The following DIPK2A variants were observed in gnomAD, a reference collection of about 807,000 sequenced individuals.
DIPK2A encodes the protein Golgi Protein of 49 kDa.
A neutral mutation model predicts 39.0 loss-of-function variants in DIPK2A; 27 were observed. The ratio of observed to expected loss-of-function variants is 0.69; its 90% CI spans 0.51 to 0.96. The LOEUF (loss-of-function observed/expected upper bound fraction) is 0.96, where lower values mean the gene tolerates loss of function less well. DIPK2A is among the 40% of genes least tolerant of loss of function. DIPK2A has a pLI of 0.00. For missense variants in DIPK2A, 528 were observed against 571.3 expected (o/e 0.92, Z 0.77); for synonymous variants, 298 against 240.8 (o/e 1.24, Z -2.20).
rs914576209 is a variant in DIPK2A at position 143,989,833 on chromosome 3, G to T, written c.1285G>T (p.Val429Leu). The change falls in exon 3 of 3, where the codon GTG (valine) becomes TTG (leucine). Residue 429 changes from valine to leucine, a missense_variant. By Grantham distance (32) the Val-to-Leu change is conservative. Around this residue, in one of 2 missense-constraint regions of DIPK2A, gnomAD observed 219 missense variants for 281.5 expected, o/e 0.78. Transcript: ENST00000315691. ...ATACCTAGCACAATTAAGTAACAAC[G>T]TGAGGTAGTCTATGGTGAACTTTTC... ...REYLAQLSNN[V>L]R 4.3e-6 allele frequency: 7 copies of T among 1,610,946 alleles called. No homozygotes were observed. Among genetic ancestry groups the T allele is most frequent in the African/African-American group, 1.3e-5 (1 of 74,902 alleles).
chr3:143,976,363 G>GAA (rs376616926), intron 1 of DIPK2A, among the ~76,000 whole-genome samples: 6 of 148,006 alleles, frequency 4.1e-5, no homozygotes, highest in Non-Finnish European at 9.0e-5. Flanking sequence ...GTAATCCTAT[G>GAA]AAAAAAAAAA....
intron 2 of DIPK2A, among the ~76,000 whole-genome samples, chr3:143,986,638 G>A (rs1397690124): frequency 6.6e-6 from 1 of 151,370 alleles, no homozygotes; most frequent in Non-Finnish European, 1.5e-5. Context: ...GCAGGAGAAT[G>A]GCGTGAACCC....
chr3:143,977,313 A>C (rs2087744796), intron 1 of DIPK2A, among the ~76,000 whole-genome samples: 1 of 151,946 alleles, frequency 6.6e-6, no homozygotes, highest in African/African-American at 2.4e-5. Flanking sequence ...ACTCTTGAGA[A>C]ATTTGGTTTT....
In DIPK2A at chr3:143,972,845, C is replaced by G. The variant is rs774275449; in HGVS notation, c.513C>G (p.Pro171=). The G allele has an allele frequency of 2.6e-6, 4 of 1,567,268 alleles. No individual in the cohort carries two copies. Among genetic ancestry groups the G allele is most frequent in the Non-Finnish European group, 8.6e-7 (1 of 1,159,342 alleles). Residue 171 remains proline, a synonymous_variant, in exon 1 of 3, where the codon CCC becomes CCG. Coordinates refer to ENST00000315691, the MANE Select transcript of DIPK2A (RefSeq NM_173552.5). ...VEGWSDLVHC[P]SQRLLDRLVR... ...GCTGGTCGGACCTGGTGCACTGCCC[C>G]TCGCAGCGCCTTCTCGACCGCCTGG... is the stretch of plus-strand genomic sequence containing the variant.
chr3:143,977,479 C>T (rs922172138), intron 1 of DIPK2A, among the ~76,000 whole-genome samples: 9 of 152,042 alleles, frequency 5.9e-5, no homozygotes, highest in Non-Finnish European at 1.3e-4. Context: ...AAAACCAAAA[C>T]CTTCCTTTAA....
At chr3:143,983,589 C>T (rs2107845464) in intron 1 of DIPK2A, among the ~76,000 whole-genome samples, 1 of 152,272 alleles carries the variant, frequency 6.6e-6, no homozygotes, top group Non-Finnish European at 1.5e-5. Context: ...GCATTAAATG[C>T]CCACAGGAGA....
At chr3:143,973,552 C>G in intron 1 of DIPK2A, 1 of 1,548,934 alleles carries the variant, frequency 6.5e-7, no homozygotes, top group Non-Finnish European at 8.7e-7. Flanking sequence ...GAGAACGGGA[C>G]AGTGGTCGGG....
chr3:143,985,153 A>G (rs1008822891), intron 1 of DIPK2A, among the ~76,000 whole-genome samples: 2 of 152,246 alleles, frequency 1.3e-5, no homozygotes, highest in African/African-American at 4.8e-5. Flanking sequence ...CTGCTGGTTA[A>G]TAGGCTGCAG....
chr3:143,973,606 A>G, intron 1 of DIPK2A: 1 of 1,453,498 alleles, frequency 6.9e-7, no homozygotes, highest in Non-Finnish European at 9.5e-7. Flanking sequence ...GATTAGAATC[A>G]GAAACAGGAA....
At chr3:143,984,383 T>C (rs151202067) in intron 1 of DIPK2A, among the ~76,000 whole-genome samples, 2,653 of 152,256 alleles carry the variant, frequency 0.017, 44 homozygotes, top group Non-Finnish European at 0.025. Context: ...CTATTGTTTC[T>C]AGCTTTTGAT....
intron 2 of DIPK2A, among the ~76,000 whole-genome samples, chr3:143,988,747 A>G (rs928238171): frequency 3.3e-5 from 5 of 152,176 alleles, no homozygotes; most frequent in African/African-American, 1.2e-4. Flanking sequence ...TATATAAAAT[A>G]TTGACACTAT....
intron 1 of DIPK2A, chr3:143,973,465 G>A: frequency 6.4e-7 from 1 of 1,551,390 alleles, no homozygotes; most frequent in Non-Finnish European, 8.7e-7. Context: ...TTCGGTCTCA[G>A]AGTCTTTGTT....
In DIPK2A at chr3:143,972,243, C is replaced by G; in HGVS notation, c.-90C>G. The G allele has an allele frequency of 8.2e-7, 1 of 1,220,560 alleles. No homozygotes were observed. Among genetic ancestry groups the G allele is most frequent in the Non-Finnish European group, 1.1e-6 (1 of 944,126 alleles). The allele number at this position is 1,220,560 out of a possible 1,614,324, so 75.6% of individuals were successfully genotyped here. On this transcript the variant is annotated 5_prime_UTR_variant, in exon 1 of 3. Transcript: ENST00000315691. ...CCGCGCGCTAGCTCCTTCTCTCGCC[C>G]GGGGTTCCTGCCGGTAGCTCTCCGG...
chr3:143,976,709 T>A (rs1312356152), intron 1 of DIPK2A, among the ~76,000 whole-genome samples: 3 of 152,040 alleles, frequency 2.0e-5, no homozygotes, highest in Non-Finnish European at 4.4e-5. Context: ...GAGCTGGGAA[T>A]GTTACTATTT....
intron 2 of DIPK2A, chr3:143,986,083 T>G (rs1303225029): frequency 2.1e-6 from 1 of 486,548 alleles, no homozygotes; most frequent in Non-Finnish European, 3.6e-6. Flanking sequence ...ATATCTAACC[T>G]ACGGGACATC....
At position 143,971,992 on chromosome 3, in the gene DIPK2A, A is replaced by C; in HGVS notation, c.-341A>C. On this transcript the variant is annotated 5_prime_UTR_variant, in exon 1 of 3. Coordinates refer to ENST00000315691, the MANE Select transcript of DIPK2A (RefSeq NM_173552.5). ...GCCAGCAGTGCGCGTGCGCGCGGGC[A>C]CGGGCGCGCGACCGTCGGGTCCCCG... The C allele has an allele frequency of 3.8e-6, 1 of 263,910 alleles. No individual in the cohort carries two copies. Among genetic ancestry groups the C allele is most frequent in the Non-Finnish European group, 7.1e-6 (1 of 140,286 alleles). The allele number at this position is 263,910 out of a possible 1,614,324, so 16.3% of individuals were successfully genotyped here.
chr3:143,989,957 C>T lies in DIPK2A; in HGVS notation c.*116C>T. 1.4e-6 allele frequency: 1 copy of T among 721,318 alleles called. No individual in the cohort carries two copies. The highest frequency in any genetic ancestry group is 2.3e-6 in the Non-Finnish European group (1 of 437,918). The allele number at this position is 721,318 out of a possible 1,614,324, so 44.7% of individuals were successfully genotyped here. A position where few individuals can be genotyped will look rare whatever the true frequency, so the allele number is the denominator to read the frequency against. On this transcript the variant is annotated 3_prime_UTR_variant, in exon 3 of 3. Coordinates refer to ENST00000315691, the MANE Select transcript of DIPK2A (RefSeq NM_173552.5). ...AGTGTTACATTCAGAGGATGATAAA[C>T]TTGCACTGATAGATCTTAATGTTAA...
intron 1 of DIPK2A, among the ~76,000 whole-genome samples, chr3:143,983,480 G>A (rs946044598): frequency 2.6e-5 from 4 of 152,098 alleles, no homozygotes; most frequent in Non-Finnish European, 2.9e-5. Context: ...TAAAATTAAG[G>A]CAGAAGTAAA....
chr3:143,976,535 T>A lies in DIPK2A; in HGVS notation c.657+3546T>A, dbSNP rs3889937. 1.4e-4 allele frequency among the ~76,000 whole-genome samples: 15 copies of A among 110,672 alleles called. No individual in the cohort carries two copies. The South Asian group carries it at 3.6e-3, about 26-fold the overall frequency. The allele number at this position is 110,672 out of a possible 152,430, so 72.6% of individuals were successfully genotyped here. A position where few individuals can be genotyped will look rare whatever the true frequency, so the allele number is the denominator to read the frequency against. On this transcript the variant is annotated intron_variant, in intron 1 of 2. Coordinates refer to ENST00000315691, the MANE Select transcript of DIPK2A (RefSeq NM_173552.5). ...ATTGAATTTACAGAAAGGGAGAGTG[T>A]GTGTGTGTGTGTGTGTGTGTGAGAG...
Sources: allele counts gnomAD v4.1 joint callset (sites outside exome capture counted in the v4.1 genomes callset), GRCh38; gene constraint gnomAD v4.1.1; regional missense constraint gnomAD v4.1.1; transcripts MANE v1.5; gene names NCBI Gene and HGNC (gene_info 2026-07-23, HGNC 2026-07-21).